CTDSPL2: variants seen among roughly 807,000 people sequenced by gnomAD.
CTDSPL2 encodes the protein CTD small phosphatase like 2.
A neutral mutation model predicts 60.0 loss-of-function variants in CTDSPL2; 5 were observed. The observed-to-expected ratio is 0.08, with a 90% CI of 0.04 to 0.18. The LOEUF (loss-of-function observed/expected upper bound fraction) is 0.18, where lower values mean the gene tolerates loss of function less well. CTDSPL2 is among the 10% of genes least tolerant of loss of function. The probability of loss-of-function intolerance (pLI) is 1.00; values close to 1 mark genes in which losing one functional copy is unlikely to be tolerated. For synonymous variants in CTDSPL2, 186 were observed against 189.3 expected (o/e 0.98, Z 0.14); for missense variants, 370 against 548.8 (o/e 0.67, Z 3.26).
At chr15:44,434,795 TG>T (rs1471732231) in intron 1 of CTDSPL2, among the ~76,000 whole-genome samples, 1 of 152,240 alleles carries the variant, frequency 6.6e-6, no homozygotes, top group African/African-American at 2.4e-5. Context: ...TTTTATTTTT[TG>T]TATAGTTCTG....
intron 2 of CTDSPL2, among the ~76,000 whole-genome samples, chr15:44,466,596 C>T (rs556633527): frequency 3.3e-5 from 5 of 152,232 alleles, no homozygotes; most frequent in South Asian, 2.1e-4. Context: ...TACTACTTAT[C>T]TAGGCTATGT....
chr15:44,459,245 T>C, intron 2 of CTDSPL2, 45 bp downstream of exon 2: 1 of 1,465,874 alleles, frequency 6.8e-7, no homozygotes, highest in Non-Finnish European at 9.2e-7. Flanking sequence ...AAGTGAAAAT[T>C]GGCCGGGCAC....
At chr15:44,505,941 T>C (rs2081454382) in intron 8 of CTDSPL2, among the ~76,000 whole-genome samples, 1 of 151,694 alleles carries the variant, frequency 6.6e-6, no homozygotes, top group South Asian at 2.1e-4. Context: ...TGTAAATACA[T>C]CAAGTTTTTT....
intron 1 of CTDSPL2, among the ~76,000 whole-genome samples, chr15:44,441,699 C>T (rs1361923225): frequency 6.6e-6 from 1 of 152,026 alleles, no homozygotes; most frequent in Non-Finnish European, 1.5e-5. Context: ...TGCCTGAGTC[C>T]TCAGCTCTCG....
intron 8 of CTDSPL2, among the ~76,000 whole-genome samples, chr15:44,505,425 A>G (rs1250317630): frequency 6.6e-6 from 1 of 151,866 alleles, no homozygotes; most frequent in Non-Finnish European, 1.5e-5. Context: ...TCTCAAAAAG[A>G]AAAAAAAGAA....
chr15:44,452,518 A>G (rs1272440479), intron 1 of CTDSPL2, among the ~76,000 whole-genome samples: 1 of 152,154 alleles, frequency 6.6e-6, no homozygotes, highest in Non-Finnish European at 1.5e-5. Context: ...TTGTAAAAAT[A>G]TATTGTGAAC....
At chr15:44,461,687 G>C (rs2080575050) in intron 2 of CTDSPL2, among the ~76,000 whole-genome samples, 1 of 149,592 alleles carries the variant, frequency 6.7e-6, no homozygotes, top group Non-Finnish European at 1.5e-5. Flanking sequence ...CAAAGTGTTG[G>C]TATTACACAC....
chr15:44,516,952 G>C (rs1262494921), intron 10 of CTDSPL2: 2 of 151,982 alleles, frequency 1.3e-5, no homozygotes, highest in East Asian at 3.9e-4. Flanking sequence ...CGATTCTCCT[G>C]CCTCAGCCTC....
rs192274440 is a variant in CTDSPL2 at position 44,486,739 on chromosome 15, A to T, written c.475+39A>T. 7.6e-4 allele frequency: 1,021 copies of T among 1,335,940 alleles called. 11 individuals carry two copies. In the East Asian group the frequency reaches 0.018, roughly 24 times the overall value. 82.8% of individuals were successfully genotyped at this position (1,335,940 alleles called of 1,614,324 possible). ...GTTAACTGTGATTTGGATTTTTTTTAAAAAAATGCATAGTTTGGGTTTTTT... is the reference window on the plus strand; with the variant it reads ...GTTAACTGTGATTTGGATTTTTTTTTAAAAAATGCATAGTTTGGGTTTTTT... On this transcript the variant is annotated intron_variant, in intron 4 of 12. Coordinates refer to ENST00000260327, the MANE Select transcript of CTDSPL2 (RefSeq NM_016396.3).
chr15:44,456,275 TC>T (rs2080438315), intron 1 of CTDSPL2, among the ~76,000 whole-genome samples: 1 of 152,228 alleles, frequency 6.6e-6, no homozygotes, highest in African/African-American at 2.4e-5. Flanking sequence ...TCGGGAGGAT[TC>T]CCTCTTTTTC....
chr15:44,485,832 C>A (rs964289079), intron 3 of CTDSPL2, among the ~76,000 whole-genome samples: 1 of 151,980 alleles, frequency 6.6e-6, no homozygotes, highest in African/African-American at 2.4e-5. Flanking sequence ...TGAGACAAGA[C>A]AAGGGGGACA....
chr15:44,497,451 C>T (rs552939999), intron 7 of CTDSPL2, among the ~76,000 whole-genome samples: 11 of 152,172 alleles, frequency 7.2e-5, no homozygotes, highest in Admixed American at 1.3e-4. Context: ...CTGCAAGCTC[C>T]GCCTCCCGGG....
intron 5 of CTDSPL2, among the ~76,000 whole-genome samples, chr15:44,495,626 C>T (rs1012644452): frequency 6.6e-6 from 1 of 151,548 alleles, no homozygotes; most frequent in Admixed American, 6.6e-5. Context: ...TCAAAGGGCT[C>T]ATGAACTTTT....
intron 1 of CTDSPL2, among the ~76,000 whole-genome samples, chr15:44,439,413 G>A (rs2080039484): frequency 6.6e-6 from 1 of 151,952 alleles, no homozygotes; most frequent in Non-Finnish European, 1.5e-5. Flanking sequence ...TCCCCAGCCG[G>A]CCTCCCAAGT....
intron 8 of CTDSPL2, among the ~76,000 whole-genome samples, chr15:44,511,875 A>C (rs1595775409): frequency 6.6e-6 from 1 of 150,718 alleles, no homozygotes; most frequent in South Asian, 2.1e-4. Context: ...CGCAAAAAAA[A>C]AAAAAAAAAA....
intron 1 of CTDSPL2, among the ~76,000 whole-genome samples, chr15:44,455,500 G>A (rs1356961228): frequency 6.6e-6 from 1 of 152,148 alleles, no homozygotes; most frequent in Admixed American, 6.5e-5. Flanking sequence ...TCTTGTGCCA[G>A]TTTTCAAAGG....
intron 1 of CTDSPL2, among the ~76,000 whole-genome samples, chr15:44,431,516 A>C (rs775182155): frequency 2.0e-5 from 3 of 152,164 alleles, no homozygotes; most frequent in African/African-American, 7.2e-5. Context: ...CTTTATTTAT[A>C]TCTCTCCAGT....
chr15:44,454,807 C>T (rs1461607119), intron 1 of CTDSPL2, among the ~76,000 whole-genome samples: 2 of 152,280 alleles, frequency 1.3e-5, no homozygotes, highest in East Asian at 3.9e-4. Context: ...GGTACCAGTA[C>T]CATGCTGTTT....
At chr15:44,521,246 T>A in intron 11 of CTDSPL2, 65 bp from the exon 12 acceptor site, 1 of 785,552 alleles carries the variant, frequency 1.3e-6, no homozygotes, top group Non-Finnish European at 2.0e-6. Context: ...GTTTATTTTT[T>A]AACTTTTTCC....
Sources: gnomAD v4.1 joint callset for allele counts (sites outside exome capture counted in the v4.1 genomes callset) on GRCh38, gnomAD v4.1.1 for gene constraint, MANE v1.5 for transcripts, NCBI Gene and HGNC (gene_info 2026-07-23, HGNC 2026-07-21) for gene names.